TTI1: variants seen among roughly 807,000 people sequenced by gnomAD.
The protein encoded by TTI1 is TELO2-interacting protein 1 homolog.
Under a neutral mutation model 85.4 loss-of-function variants are expected in TTI1, and 52 were observed. That is an observed-to-expected ratio of 0.61 (90% CI 0.49 to 0.77). The LOEUF is 0.77. TTI1 is among the 30% of genes least tolerant of loss of function. TTI1 has a pLI of 0.00. For synonymous variants in TTI1, 512 were observed against 503.9 expected (o/e 1.02, Z -0.22); for missense variants, 1,173 against 1,296.0 (o/e 0.91, Z 1.46).
At chr20:38,000,251 G>A (rs752716478) in intron 4 of TTI1, among the ~76,000 whole-genome samples, 1 of 152,154 alleles carries the variant, frequency 6.6e-6, no homozygotes, top group Non-Finnish European at 1.5e-5. Flanking sequence ...AAAGTTGGGC[G>A]GCTAGGGGAG....
In TTI1 at chr20:38,013,242, C is replaced by T; in HGVS notation, c.575G>A (p.Arg192Lys). 6.2e-7 allele frequency: 1 copy of T among 1,614,014 alleles called. No homozygotes were observed. Among genetic ancestry groups the T allele is most frequent in the Non-Finnish European group, 8.5e-7 (1 of 1,180,020 alleles). Residue 192 changes from arginine to lysine, a missense_variant, in exon 2 of 8, where the codon AGG becomes AAG. Arg to Lys is a conservative substitution (Grantham distance 26, BLOSUM62 2). Transcript: ENST00000373447. ...CTTTTGTTCAAGTTCATCCAATGAC[C>T]TTGGATGGTCCTGACAATCACACTG... is the stretch of plus-strand genomic sequence containing the variant. ...LLQCDCQDHP[R>K]SLDELEQKQL...
chr20:38,018,372 G>A (rs1264485737), intron 1 of TTI1, among the ~76,000 whole-genome samples: 1 of 152,064 alleles, frequency 6.6e-6, no homozygotes, highest in Admixed American at 6.5e-5. Flanking sequence ...ACAGTAAATT[G>A]GACTTAGCAG....
chr20:38,000,476 C>A (rs1265196760), intron 4 of TTI1: 1 of 154,424 alleles, frequency 6.5e-6, no homozygotes, highest in Non-Finnish European at 1.5e-5. Context: ...TTCCCTCCCG[C>A]GTGGGCGGCC....
intron 1 of TTI1, among the ~76,000 whole-genome samples, chr20:38,017,129 A>C (rs926720106): frequency 6.6e-6 from 1 of 152,178 alleles, no homozygotes; most frequent in African/African-American, 2.4e-5. Context: ...TGTTTTACCT[A>C]GTTTAGACTA....
chr20:37,989,971 T>C (rs1387251986), intron 7 of TTI1, among the ~76,000 whole-genome samples: 1 of 152,252 alleles, frequency 6.6e-6, no homozygotes, highest in Non-Finnish European at 1.5e-5. Flanking sequence ...CAAGCGTCAG[T>C]AATAAGGAAA....
intron 1 of TTI1, among the ~76,000 whole-genome samples, chr20:38,025,154 C>T (rs768474290): frequency 3.3e-5 from 5 of 152,130 alleles, no homozygotes; most frequent in Admixed American, 2.0e-4. Context: ...AAACATTAGA[C>T]TAAACAGCCT....
At chr20:38,032,584 T>C (rs773226969) in intron 1 of TTI1, among the ~76,000 whole-genome samples, 5 of 152,140 alleles carry the variant, frequency 3.3e-5, no homozygotes, top group Non-Finnish European at 7.4e-5. Context: ...GAGTCTCAGA[T>C]AGTGTTTTGT....
rs752189514 is a variant in TTI1 at position 38,015,639 on chromosome 20, T to TTAA, written c.-41-1785_-41-1783dup. 1.7e-3 allele frequency among the ~76,000 whole-genome samples: 251 copies of TTAA among 152,024 alleles called. 1 individual carries two copies. Among genetic ancestry groups the TTAA allele is most frequent in the African/African-American group, 4.8e-3 (201 of 41,456 alleles). On this transcript the variant is annotated intron_variant, in intron 1 of 7. Transcript: ENST00000373447. The stretch of plus-strand genomic sequence containing the variant: ...CCAGAAAAAGAGGCAGATAAGAATT[T>TTAA]TAATAATAATAATAATAAAAAGACC...
At chr20:38,031,714 A>G (rs2073909691) in intron 1 of TTI1, among the ~76,000 whole-genome samples, 1 of 152,186 alleles carries the variant, frequency 6.6e-6, no homozygotes, top group South Asian at 2.1e-4. Flanking sequence ...TGAATGAATA[A>G]ACTATTGGTT....
chr20:37,995,653 G>T (rs970916913), intron 7 of TTI1, among the ~76,000 whole-genome samples: 2 of 152,224 alleles, frequency 1.3e-5, no homozygotes, highest in Non-Finnish European at 2.9e-5. Flanking sequence ...TAGATTTGGG[G>T]TCTCATGTCT....
chr20:38,001,445 T>C (rs2073423991), intron 4 of TTI1, among the ~76,000 whole-genome samples: 2 of 152,168 alleles, frequency 1.3e-5, no homozygotes, highest in Admixed American at 6.5e-5. Context: ...ACAAATCCTC[T>C]ACAAAAAGGA....
At chr20:37,993,568 A>C (rs1470290754) in intron 7 of TTI1, among the ~76,000 whole-genome samples, 1 of 152,146 alleles carries the variant, frequency 6.6e-6, no homozygotes, top group African/African-American at 2.4e-5. Flanking sequence ...TGGAGGTCCT[A>C]AGCCCACCTG....
intron 1 of TTI1, among the ~76,000 whole-genome samples, chr20:38,014,997 G>A (rs558391639): frequency 1.3e-5 from 2 of 152,318 alleles, no homozygotes; most frequent in Admixed American, 6.5e-5. Context: ...GAGGCTTAGA[G>A]ATCATCTAGT....
At chr20:38,017,063 C>T (rs775355779) in intron 1 of TTI1, among the ~76,000 whole-genome samples, 1 of 152,120 alleles carries the variant, frequency 6.6e-6, no homozygotes, top group Non-Finnish European at 1.5e-5. Context: ...TTTTTCCTAC[C>T]CCTGTACACA....
At chr20:37,989,925 G>A (rs759751753) in intron 7 of TTI1, among the ~76,000 whole-genome samples, 1 of 152,222 alleles carries the variant, frequency 6.6e-6, no homozygotes, top group African/African-American at 2.4e-5. Context: ...ACAGTACCCA[G>A]TGTTCTTTTA....
At chr20:38,025,567 C>T (rs1380630738) in intron 1 of TTI1, among the ~76,000 whole-genome samples, 4 of 149,248 alleles carry the variant, frequency 2.7e-5, no homozygotes, top group African/African-American at 9.9e-5. Context: ...GACACTCCAT[C>T]TCAAAAAAAA....
chr20:37,996,970 C>G lies in TTI1; in HGVS notation c.2794-17G>C. On this transcript the variant is annotated splice_polypyrimidine_tract_variant and intron_variant, in intron 5 of 7. Transcript: ENST00000373447. ...ACGTAAAACCTGCAGAAACAGCCTC[C>G]AACCTGGTGAGTGAACATTGCCAAG... 1.2e-6 allele frequency: 2 copies of G among 1,610,172 alleles called. No homozygotes were observed. Among genetic ancestry groups the G allele is most frequent in the South Asian group, 2.2e-5 (2 of 90,878 alleles).
intron 3 of TTI1, among the ~76,000 whole-genome samples, chr20:38,003,374 T>C (rs2073452615): frequency 6.6e-6 from 1 of 152,214 alleles, no homozygotes; most frequent in Admixed American, 6.5e-5. Context: ...ACATACGTTT[T>C]TGCATGAGAG....
chr20:37,987,577 G>A (rs541107235), intron 7 of TTI1, among the ~76,000 whole-genome samples: 2 of 152,142 alleles, frequency 1.3e-5, no homozygotes, highest in Non-Finnish European at 2.9e-5. Context: ...CCAGAGTATC[G>A]GGAGGCACTC....
Sources: allele counts gnomAD v4.1 joint callset (sites outside exome capture counted in the v4.1 genomes callset), GRCh38; gene constraint gnomAD v4.1.1; transcripts MANE v1.5; gene names NCBI Gene and HGNC (gene_info 2026-07-23, HGNC 2026-07-21).